UBAC2: variants seen among roughly 807,000 people sequenced by gnomAD.
The protein encoded by UBAC2 is ubiquitin-associated domain-containing protein 2.
In UBAC2, 26 loss-of-function variants were observed where a neutral mutation model predicts 44.0. The observed-to-expected ratio is 0.59, with a 90% CI of 0.43 to 0.82. The LOEUF (loss-of-function observed/expected upper bound fraction) is 0.82, where lower values mean the gene tolerates loss of function less well. Ranked by LOEUF, UBAC2 falls within the 40% of genes least tolerant of loss-of-function variation. The probability of loss-of-function intolerance (pLI) is 0.00; values close to 1 mark genes in which losing one functional copy is unlikely to be tolerated. For missense variants in UBAC2, 329 were observed against 419.4 expected (o/e 0.78, Z 1.88); for synonymous variants, 155 against 154.3 (o/e 1.00, Z -0.04).
At chr13:99,348,174 C>T (rs1365742681) in intron 7 of UBAC2, among the ~76,000 whole-genome samples, 1 of 152,158 alleles carries the variant, frequency 6.6e-6, no homozygotes, top group East Asian at 1.9e-4. Context: ...TCTTGGAGGA[C>T]AGGAGCTGTT....
intron 7 of UBAC2, chr13:99,351,358 T>C (rs2045084922): frequency 2.8e-6 from 1 of 354,436 alleles, no homozygotes; most frequent in African/African-American, 2.1e-5. Context: ...TACCTGTTTT[T>C]GTACAATCTG....
In UBAC2 at chr13:99,319,733, TGTG is replaced by T. The variant is rs150127397; in HGVS notation, c.561+1669_561+1671del. Among the ~76,000 whole-genome samples, 445 of 152,338 alleles carry T rather than the reference TGTG, an allele frequency of 2.9e-3. 2 individuals carry two copies. Among genetic ancestry groups the T allele is most frequent in the African/African-American group, 0.01 (432 of 41,576 alleles). On this transcript the variant is annotated intron_variant, in intron 6 of 8. Coordinates refer to ENST00000403766, the MANE Select transcript of UBAC2 (RefSeq NM_001144072.2). Reference sequence around the variant, plus strand: ...CTATCCGTCTGGTATTCTTGAGACTTGTGGTGGCTTAGGGCCATCCTGGGGTTA... The same window carrying T: ...CTATCCGTCTGGTATTCTTGAGACTTGTGGCTTAGGGCCATCCTGGGGTTA...
At chr13:99,356,906 T>C (rs962953637) in intron 7 of UBAC2, among the ~76,000 whole-genome samples, 7 of 152,086 alleles carry the variant, frequency 4.6e-5, no homozygotes, top group African/African-American at 1.7e-4. Context: ...GGTGGTGGGC[T>C]TTGTTTGGTT....
chr13:99,355,424 T>C (rs1349710527), intron 7 of UBAC2, among the ~76,000 whole-genome samples: 1 of 152,198 alleles, frequency 6.6e-6, no homozygotes, highest in Non-Finnish European at 1.5e-5. Flanking sequence ...TACAGGTGTG[T>C]CACTCAGTCG....
chr13:99,290,753 G>A (rs915630110), intron 4 of UBAC2, among the ~76,000 whole-genome samples: 8 of 149,862 alleles, frequency 5.3e-5, no homozygotes, highest in Non-Finnish European at 1.0e-4. Context: ...AAGAAAGAAA[G>A]AAAGAAAAAG....
intron 8 of UBAC2, among the ~76,000 whole-genome samples, chr13:99,383,438 G>A (rs945092787): frequency 6.6e-6 from 1 of 152,160 alleles, no homozygotes; most frequent in African/African-American, 2.4e-5. Flanking sequence ...CTCCTCTGGT[G>A]GGAAAACAAA....
Position 99,268,487 on chromosome 13 carries a change from A to G in UBAC2, c.389+23863A>G, listed in dbSNP as rs546436332. Among the ~76,000 whole-genome samples the G allele has an allele frequency of 3.9e-5, 6 of 151,956 alleles. No homozygotes were observed. The East Asian group carries it at 1.2e-3, about 30-fold the overall frequency. On this transcript the variant is annotated intron_variant, in intron 4 of 8. Coordinates refer to ENST00000403766, the MANE Select transcript of UBAC2 (RefSeq NM_001144072.2). The stretch of plus-strand genomic sequence containing the variant: ...GCCAGGCGTGGTGGCATGTGCCTGT[A>G]GTCTCAGCTACCTAGGAGGCTGAGG...
chr13:99,294,548 T>C (rs985911071), intron 4 of UBAC2: 4 of 152,908 alleles, frequency 2.6e-5, no homozygotes, highest in African/African-American at 9.7e-5. Flanking sequence ...CTTTGCAGCA[T>C]CCTGCTCTTT....
intron 4 of UBAC2, among the ~76,000 whole-genome samples, chr13:99,250,391 G>C (rs1193585468): frequency 6.6e-6 from 1 of 152,018 alleles, no homozygotes; most frequent in Admixed American, 6.6e-5. Flanking sequence ...TTTATTTCTG[G>C]GTTCTCTATT....
At chr13:99,373,122 AAATAAT>A (rs1167283712) in intron 8 of UBAC2, among the ~76,000 whole-genome samples, 2 of 151,750 alleles carry the variant, frequency 1.3e-5, no homozygotes, top group South Asian at 2.1e-4. Context: ...CTCTGTCTCA[AAATAAT>A]AATAATAAGT....
At chr13:99,201,133 C>G (rs771111132) in intron 1 of UBAC2, 194 bp downstream of exon 1, 2 of 1,355,672 alleles carry the variant, frequency 1.5e-6, no homozygotes, top group Non-Finnish European at 1.9e-6. Context: ...CCTGGAGGGG[C>G]GAATGGGGAC....
chr13:99,353,991 A>G (rs1284375510), intron 7 of UBAC2, among the ~76,000 whole-genome samples: 1 of 152,252 alleles, frequency 6.6e-6, no homozygotes, highest in African/African-American at 2.4e-5. Context: ...CAGATTAGCC[A>G]TACTGAGATT....
rs569780757 is a variant in UBAC2 at position 99,369,250 on chromosome 13, C to G, written c.927+1344C>G. Among the ~76,000 whole-genome samples, 10 of 152,184 alleles carry G rather than the reference C, an allele frequency of 6.6e-5. No homozygotes were observed. The South Asian group carries it at 2.1e-3, about 32-fold the overall frequency. On this transcript the variant is annotated intron_variant, in intron 8 of 8. Transcript: ENST00000403766. ...ACTAGGCTATTTATATATAGATGGT[C>G]CCTGACCTATAATTGTCGAACTTTA... is the stretch of plus-strand genomic sequence containing the variant.
At chr13:99,259,397 G>A (rs1442810731) in intron 4 of UBAC2, among the ~76,000 whole-genome samples, 1 of 148,652 alleles carries the variant, frequency 6.7e-6, no homozygotes, top group African/African-American at 2.5e-5. Context: ...GCTTAGAAAA[G>A]TTACTTAAAT....
chr13:99,242,880 G>A (rs544055095), intron 2 of UBAC2, among the ~76,000 whole-genome samples: 2,969 of 147,516 alleles, frequency 0.02, 45 homozygotes, highest in Non-Finnish European at 0.033. Context: ...ACGGGGCGGC[G>A]GGGCAGAGGT....
intron 4 of UBAC2, among the ~76,000 whole-genome samples, chr13:99,259,786 G>T (rs952724436): frequency 6.6e-6 from 1 of 152,206 alleles, no homozygotes; most frequent in African/African-American, 2.4e-5. Flanking sequence ...CTAAAATTAA[G>T]TATTGATTAG....
chr13:99,384,049 C>G (rs1319288382), intron 8 of UBAC2, among the ~76,000 whole-genome samples: 2 of 152,228 alleles, frequency 1.3e-5, no homozygotes, highest in South Asian at 4.1e-4. Flanking sequence ...CAGGCCCATG[C>G]CCGGCCCCTC....
rs1239741483 is a variant in UBAC2 at position 99,232,394 on chromosome 13, TGA to T, written c.32-6028_32-6027del. Among the ~76,000 whole-genome samples the T allele has an allele frequency of 2.3e-4, 13 of 55,858 alleles. 1 individual carries two copies. Among genetic ancestry groups the T allele is most frequent in the Non-Finnish European group, 6.5e-4 (11 of 16,868 alleles). 36.6% of individuals were successfully genotyped at this position (55,858 alleles called of 152,430 possible). A position where few individuals can be genotyped will look rare whatever the true frequency, so the allele number is the denominator to read the frequency against. Reference sequence around the variant, plus strand: ...ACACAAGACCCTGTCCATCCTTAGTTGAGAGATATAGATATATATATATATAT... The same window carrying T: ...ACACAAGACCCTGTCCATCCTTAGTTGAGATATAGATATATATATATATAT... On this transcript the variant is annotated intron_variant, in intron 1 of 8. Coordinates refer to ENST00000403766, the MANE Select transcript of UBAC2 (RefSeq NM_001144072.2).
In UBAC2 at chr13:99,385,705, G is replaced by A. The variant is rs910148457; in HGVS notation, c.*370G>A. 4.8e-5 allele frequency: 10 copies of A among 209,446 alleles called. No homozygotes were observed. The highest frequency in any genetic ancestry group is 6.7e-5 in the African/African-American group (3 of 44,556). 13.0% of individuals were successfully genotyped at this position (209,446 alleles called of 1,614,324 possible). A position where few individuals can be genotyped will look rare whatever the true frequency, so the allele number is the denominator to read the frequency against. On this transcript the variant is annotated 3_prime_UTR_variant, in exon 9 of 9. Coordinates refer to ENST00000403766, the MANE Select transcript of UBAC2 (RefSeq NM_001144072.2). ...ACTGTAACATGTCATCTCCTGCGTC[G>A]TGATGGGGAGAGGGTAATGTTACTT...
Sources: allele counts gnomAD v4.1 joint callset (sites outside exome capture counted in the v4.1 genomes callset), GRCh38; gene constraint gnomAD v4.1.1; transcripts MANE v1.5; gene names NCBI Gene and HGNC (gene_info 2026-07-23, HGNC 2026-07-21).